Variants in ARHGAP24 observed in about 807,000 individuals in gnomAD.
ARHGAP24 encodes rho GTPase-activating protein 24.
ARHGAP24 carries 50 observed loss-of-function variants against 76.4 expected under a neutral mutation model. The ratio of observed to expected loss-of-function variants is 0.65; its 90% confidence interval spans 0.52 to 0.83. ARHGAP24 has a LOEUF of 0.83. ARHGAP24 is among the 40% of genes least tolerant of loss of function. The pLI is 0.00. For missense variants in ARHGAP24, 930 were observed against 914.2 expected (o/e 1.02, Z -0.22); for synonymous variants, 345 against 323.3 (o/e 1.07, Z -0.72).
chr4:85,823,540 T>G (rs1729570798), intron 3 of ARHGAP24, among the ~76,000 whole-genome samples: 1 of 152,150 alleles, frequency 6.6e-6, no homozygotes. Flanking sequence ...CCACATGCAG[T>G]GTTTTGATGG....
intron 2 of ARHGAP24, among the ~76,000 whole-genome samples, chr4:85,644,968 CT>C (rs1174915982): frequency 6.6e-6 from 1 of 151,982 alleles, no homozygotes; most frequent in African/African-American, 2.4e-5. Context: ...AAAGACTGGG[CT>C]TCATGATGAT....
intron 2 of ARHGAP24, among the ~76,000 whole-genome samples, chr4:85,673,780 T>C (rs1457635124): frequency 1.5e-5 from 2 of 131,028 alleles, no homozygotes; most frequent in Non-Finnish European, 3.3e-5. Context: ...GTTAGTTTAC[T>C]TAGTCACTTA....
At chr4:85,630,126 G>T (rs919455511) in intron 2 of ARHGAP24, among the ~76,000 whole-genome samples, 1 of 151,770 alleles carries the variant, frequency 6.6e-6, no homozygotes, top group Non-Finnish European at 1.5e-5. Context: ...CTGAGTCTGC[G>T]GTTGAATCTT....
intron 4 of ARHGAP24, chr4:85,924,627 C>G (rs1479734396): frequency 1.4e-5 from 2 of 147,716 alleles, no homozygotes; most frequent in Non-Finnish European, 3.0e-5. Flanking sequence ...ATTGTCAACA[C>G]CCTGAATTGA....
intron 3 of ARHGAP24, among the ~76,000 whole-genome samples, chr4:85,871,530 A>G (rs2601868): frequency 0.96 from 146,311 of 152,216 alleles, 70,600 homozygotes; most frequent in South Asian, 1. Context: ...CACATATTCC[A>G]CGAAACCTAA....
At chr4:85,671,035 G>A (rs2869364) in intron 2 of ARHGAP24, among the ~76,000 whole-genome samples, 151,570 of 152,340 alleles carry the variant, frequency 0.99, 75,405 homozygotes, top group East Asian at 1. Context: ...ACTGACCTAC[G>A]AGATAAATCT....
At chr4:85,621,997 AGAACT>A (rs771012413) in intron 2 of ARHGAP24, among the ~76,000 whole-genome samples, 18 of 152,094 alleles carry the variant, frequency 1.2e-4, no homozygotes, top group Non-Finnish European at 2.4e-4. Flanking sequence ...CTTCTCGCTT[AGAACT>A]TCTTTTGCTG....
chr4:85,942,681 TAAC>T (rs893355984), intron 5 of ARHGAP24, among the ~76,000 whole-genome samples: 3 of 152,154 alleles, frequency 2.0e-5, no homozygotes, highest in Admixed American at 2.0e-4. Context: ...ATTTCAATAA[TAAC>T]AAAAGCATTA....
rs149209097 is a variant in ARHGAP24, at chr4:85,821,303, G to A, written c.268+99331G>A. On this transcript the variant is annotated intron_variant, in intron 3 of 9. Transcript: ENST00000395184. Reference sequence around the variant, plus strand: ...AATTTTGAACAGATATGATCATTACGTTGAGTAGATTAAACTTGAAAAAGT... The same window carrying A: ...AATTTTGAACAGATATGATCATTACATTGAGTAGATTAAACTTGAAAAAGT... Among the ~76,000 whole-genome samples, 494 of 152,172 alleles carry A rather than the reference G, an allele frequency of 3.2e-3. 2 individuals carry two copies. The highest frequency in any genetic ancestry group is 5.2e-3 in the Non-Finnish European group (351 of 68,006).
chr4:85,521,171 A>T (rs1210419603), intron 1 of ARHGAP24, among the ~76,000 whole-genome samples: 1 of 152,094 alleles, frequency 6.6e-6, no homozygotes, highest in African/African-American at 2.4e-5. Flanking sequence ...ACCCTTTACT[A>T]ATGGCCCCAA....
chr4:85,858,186 G>T (rs1303157806), intron 3 of ARHGAP24, among the ~76,000 whole-genome samples: 1 of 152,098 alleles, frequency 6.6e-6, no homozygotes, highest in African/African-American at 2.4e-5. Flanking sequence ...AGTTGCATTT[G>T]AAGCACTCCA....
At chr4:85,873,111 C>G (rs1408913367) in intron 3 of ARHGAP24, among the ~76,000 whole-genome samples, 1 of 152,138 alleles carries the variant, frequency 6.6e-6, no homozygotes, top group Non-Finnish European at 1.5e-5. Flanking sequence ...AAGCCTACTC[C>G]TTACTGGCAG....
At chr4:85,557,982 G>A (rs561804129) in intron 1 of ARHGAP24, among the ~76,000 whole-genome samples, 58 of 152,246 alleles carry the variant, frequency 3.8e-4, no homozygotes, top group Admixed American at 1.4e-3. Flanking sequence ...TCTCACACCA[G>A]CTTGTCTCTG....
At chr4:85,531,884 A>G (rs1321295362) in intron 1 of ARHGAP24, among the ~76,000 whole-genome samples, 1 of 152,080 alleles carries the variant, frequency 6.6e-6, no homozygotes, top group Non-Finnish European at 1.5e-5. Context: ...ATCAATGATC[A>G]ATTCCCATGG....
At chr4:85,719,906 AGGGAAAGAATGTTG>A (rs1724863935) in intron 2 of ARHGAP24, among the ~76,000 whole-genome samples, 2 of 152,208 alleles carry the variant, frequency 1.3e-5, no homozygotes, top group Non-Finnish European at 2.9e-5. Flanking sequence ...TAAAATTGCC[AGGGAAAGAATGTTG>A]TCCTAAGGTA....
intron 3 of ARHGAP24, among the ~76,000 whole-genome samples, chr4:85,892,270 G>T (rs1733918731): frequency 3.4e-5 from 1 of 29,830 alleles, no homozygotes. Context: ...TATTAGTCTT[G>T]CTAGCGGTCT....
chr4:85,654,535 T>C (rs934829435), intron 2 of ARHGAP24, among the ~76,000 whole-genome samples: 3 of 152,188 alleles, frequency 2.0e-5, no homozygotes, highest in Non-Finnish European at 4.4e-5. Context: ...AGGTCAGTAG[T>C]TGTTAGAGAT....
At chr4:85,608,944 T>C (rs1227366304) in intron 2 of ARHGAP24, among the ~76,000 whole-genome samples, 2 of 152,148 alleles carry the variant, frequency 1.3e-5, no homozygotes, top group Admixed American at 6.5e-5. Context: ...ACAGGCTGCT[T>C]AGGTTTGAAT....
At chr4:85,893,972 A>C in intron 3 of ARHGAP24, among the ~76,000 whole-genome samples, 1 of 119,418 alleles carries the variant, frequency 8.4e-6, no homozygotes, top group Non-Finnish European at 1.7e-5. Context: ...GGGGGGAGGG[A>C]TAGCATTGGG....
Sources: gnomAD v4.1 joint callset for allele counts (sites outside exome capture counted in the v4.1 genomes callset) on GRCh38, gnomAD v4.1.1 for gene constraint, MANE v1.5 for transcripts, NCBI Gene and HGNC (gene_info 2026-07-23, HGNC 2026-07-21) for gene names.